OR2L13: variants seen among roughly 807,000 people sequenced by gnomAD.
OR2L13 encodes the protein olfactory receptor 2L13.
OR2L13 carries 14 observed loss-of-function variants against 15.3 expected under a neutral mutation model. The ratio of observed to expected loss-of-function variants is 0.91; its 90% CI spans 0.60 to 1.43. The LOEUF is 1.43. OR2L13 is among the 40% of genes most tolerant of loss of function. The probability of loss-of-function intolerance (pLI) is 0.00; values close to 1 mark genes in which losing one functional copy is unlikely to be tolerated. For missense variants in OR2L13, 367 were observed against 387.9 expected (o/e 0.95, Z 0.45); for synonymous variants, 152 against 142.9 (o/e 1.06, Z -0.45).
the OR2L13 span, among the ~76,000 whole-genome samples, chr1:248,069,451 A>T: frequency 1.3e-5 from 2 of 152,128 alleles, no homozygotes; most frequent in Non-Finnish European, 2.9e-5. Flanking sequence ...ACCAGGCCTG[A>T]CCTAAAAGAG....
the OR2L13 span, among the ~76,000 whole-genome samples, chr1:248,014,064 G>C: frequency 6.6e-6 from 1 of 152,032 alleles, no homozygotes; most frequent in Non-Finnish European, 1.5e-5. Context: ...TTATCATAGA[G>C]GGCAGCATTT....
chr1:247,971,785 G>A, the OR2L13 span, among the ~76,000 whole-genome samples: 3 of 152,134 alleles, frequency 2.0e-5, no homozygotes, highest in African/African-American at 7.2e-5. Flanking sequence ...GACATCTACA[G>A]AACTCTCCAC....
At chr1:247,993,807 G>GGGAGAGAA in the OR2L13 span, among the ~76,000 whole-genome samples, 1 of 129,082 alleles carries the variant, frequency 7.7e-6, no homozygotes, top group East Asian at 2.2e-4. Flanking sequence ...GAGAGAGAGA[G>GGGAGAGAA]AGAGAAAGAA....
At chr1:248,065,329 A>T in the OR2L13 span, among the ~76,000 whole-genome samples, 2 of 152,112 alleles carry the variant, frequency 1.3e-5, no homozygotes, top group African/African-American at 4.8e-5. Flanking sequence ...GCATTTAGAA[A>T]TTTCTTAAGT....
At chr1:248,060,597 A>C in the OR2L13 span, 35 of 1,069,158 alleles carry the variant, frequency 3.3e-5, no homozygotes, top group Non-Finnish European at 4.7e-5. Flanking sequence ...GAGGGGCTTC[A>C]AATGCATTCC....
the OR2L13 span, chr1:248,041,618 AG>A: frequency 6.6e-6 from 1 of 152,306 alleles, no homozygotes; most frequent in South Asian, 2.1e-4. Flanking sequence ...CATCTGACAA[AG>A]GGCTAATATC....
the OR2L13 span, chr1:248,062,296 G>T: frequency 6.6e-6 from 1 of 152,182 alleles, no homozygotes; most frequent in East Asian, 1.9e-4. Context: ...TAATAAAAAT[G>T]ATTACATTTA....
the OR2L13 span, among the ~76,000 whole-genome samples, chr1:248,016,027 A>G: frequency 1.8e-4 from 27 of 152,310 alleles, no homozygotes; most frequent in African/African-American, 5.8e-4. Flanking sequence ...CGCTCTTCAA[A>G]TCCTGTGATT....
At chr1:248,094,199 A>C (rs1664665950), upstream of OR2L13, among the ~76,000 whole-genome samples, 1 of 152,124 alleles carries the variant, frequency 6.6e-6, no homozygotes, top group African/African-American at 2.4e-5. Flanking sequence ...TGCAACCATT[A>C]GATAATCATA....
chr1:248,090,445 C>T (rs574386849), upstream of OR2L13, among the ~76,000 whole-genome samples: 37 of 152,246 alleles, frequency 2.4e-4, no homozygotes, highest in South Asian at 7.3e-3. Flanking sequence ...CTCTCACCTT[C>T]CACCCTCAAG....
At chr1:247,987,370 T>C in the OR2L13 span, among the ~76,000 whole-genome samples, 1 of 152,200 alleles carries the variant, frequency 6.6e-6, no homozygotes, top group Non-Finnish European at 1.5e-5. Context: ...TTTCTTCTTT[T>C]GTTCTATTGC....
the OR2L13 span, among the ~76,000 whole-genome samples, chr1:247,957,369 G>A: frequency 3.3e-5 from 5 of 152,018 alleles, no homozygotes; most frequent in Admixed American, 2.0e-4. Context: ...GGATTTTTGC[G>A]TCGATGTTCA....
At chr1:248,026,607 C>T in the OR2L13 span, among the ~76,000 whole-genome samples, 3 of 152,108 alleles carry the variant, frequency 2.0e-5, no homozygotes, top group Non-Finnish European at 2.9e-5. Context: ...GTCAGGACCC[C>T]GAATGGAGGG....
the OR2L13 span, chr1:248,041,814 C>CA: frequency 6.6e-6 from 1 of 152,184 alleles, no homozygotes; most frequent in Non-Finnish European, 1.5e-5. Context: ...AATGAGATAC[C>CA]ATCTCACACC....
chr1:247,939,281 G>A, the OR2L13 span: 2 of 152,122 alleles, frequency 1.3e-5, no homozygotes, highest in Non-Finnish European at 2.9e-5. Flanking sequence ...AATGTAAGCA[G>A]CATCATATTT....
the OR2L13 span, among the ~76,000 whole-genome samples, chr1:248,079,303 C>G: frequency 6.6e-6 from 1 of 151,892 alleles, no homozygotes; most frequent in Admixed American, 6.6e-5. Context: ...ACACAAATAA[C>G]GGCAACAAAA....
the OR2L13 span, chr1:248,038,234 T>G: frequency 7.0e-7 from 1 of 1,423,740 alleles, no homozygotes; most frequent in Non-Finnish European, 9.7e-7. Flanking sequence ...TTTACCCTTT[T>G]GTCTCCCTTC....
At chr1:248,084,518 T>C in the OR2L13 span, 5 of 1,612,736 alleles carry the variant, frequency 3.1e-6, no homozygotes, top group African/African-American at 1.3e-5. Flanking sequence ...AGAACCATCA[T>C]GAAGAGGACT....
At chr1:247,983,573 G>C in the OR2L13 span, among the ~76,000 whole-genome samples, 3 of 132,438 alleles carry the variant, frequency 2.3e-5, no homozygotes, top group Non-Finnish European at 4.5e-5. Flanking sequence ...TTTTATCTAA[G>C]AAAAAAATGT....
Sources: allele counts gnomAD v4.1 joint callset (sites outside exome capture counted in the v4.1 genomes callset), GRCh38; gene constraint gnomAD v4.1.1; transcripts MANE v1.5; gene names NCBI Gene and HGNC (gene_info 2026-07-23, HGNC 2026-07-21).